The following NDUFS4 variants were observed in gnomAD, a reference collection of about 807,000 sequenced individuals.
NDUFS4 encodes the protein NADH dehydrogenase [ubiquinone] iron-sulfur protein 4, mitochondrial.
Under a neutral mutation model 24.3 loss-of-function variants are expected in NDUFS4, and 28 were observed. The observed-to-expected ratio is 1.15, with a 90% CI of 0.85 to 1.58. The LOEUF is 1.58. Among genes scored for constraint, NDUFS4 ranks in the 40% most tolerant of loss-of-function variants. NDUFS4 has a pLI of 0.00. For missense variants in NDUFS4, 223 were observed against 207.9 expected (o/e 1.07, Z -0.45); for synonymous variants, 93 against 69.7 (o/e 1.34, Z -1.67).
At chr5:53,662,629 C>A (rs1056240365) in intron 4 of NDUFS4, among the ~76,000 whole-genome samples, 1 of 151,862 alleles carries the variant, frequency 6.6e-6, no homozygotes, top group African/African-American at 2.4e-5. Flanking sequence ...TGGTCCTGGA[C>A]TTTTTTTGGT....
chr5:53,568,388 A>G (rs1749107941), intron 1 of NDUFS4, among the ~76,000 whole-genome samples: 1 of 152,196 alleles, frequency 6.6e-6, no homozygotes, highest in Admixed American at 6.5e-5. Context: ...CGGATTAAAA[A>G]AAAAGTTTCC....
At chr5:53,561,268 T>A (rs1395245804) in intron 1 of NDUFS4, among the ~76,000 whole-genome samples, 1 of 152,204 alleles carries the variant, frequency 6.6e-6, no homozygotes, top group Admixed American at 6.5e-5. Context: ...TTGTTTGGAA[T>A]TCAGTGTTAG....
At chr5:53,661,927 C>T (rs375961589) in intron 4 of NDUFS4, among the ~76,000 whole-genome samples, 8 of 150,352 alleles carry the variant, frequency 5.3e-5, no homozygotes, top group East Asian at 4.0e-4. Context: ...AGATATACAA[C>T]CATGTCATCT....
At chr5:53,624,085 T>G (rs1751144296) in intron 2 of NDUFS4, among the ~76,000 whole-genome samples, 1 of 152,226 alleles carries the variant, frequency 6.6e-6, no homozygotes, top group African/African-American at 2.4e-5. Flanking sequence ...TCTTTAGAAT[T>G]GGATATCCAG....
At chr5:53,590,285 A>C (rs1171721525) in intron 1 of NDUFS4, among the ~76,000 whole-genome samples, 1 of 152,186 alleles carries the variant, frequency 6.6e-6, no homozygotes, top group Non-Finnish European at 1.5e-5. Context: ...CATTTTCATA[A>C]GCATATTTAA....
chr5:53,574,168 T>G (rs1749312619), intron 1 of NDUFS4, among the ~76,000 whole-genome samples: 1 of 152,216 alleles, frequency 6.6e-6, no homozygotes, highest in Non-Finnish European at 1.5e-5. Flanking sequence ...TTACCAATCT[T>G]AAGGGAAAGC....
intron 4 of NDUFS4, among the ~76,000 whole-genome samples, chr5:53,665,871 C>T (rs904539339): frequency 2.6e-5 from 4 of 152,186 alleles, no homozygotes; most frequent in Admixed American, 6.5e-5. Flanking sequence ...GAGATGAACC[C>T]GGTACCTCAG....
chr5:53,566,128 G>A (rs532868793), intron 1 of NDUFS4, among the ~76,000 whole-genome samples: 1 of 152,094 alleles, frequency 6.6e-6, no homozygotes, highest in African/African-American at 2.4e-5. Flanking sequence ...AGCCGAGATC[G>A]CACCACTGCA....
chr5:53,608,640 A>G (rs547216330), intron 2 of NDUFS4, among the ~76,000 whole-genome samples: 2 of 152,358 alleles, frequency 1.3e-5, no homozygotes, highest in African/African-American at 4.8e-5. Flanking sequence ...GATTTGTTCC[A>G]GTTTAATCAT....
intron 2 of NDUFS4, among the ~76,000 whole-genome samples, chr5:53,620,812 C>A (rs1751011034): frequency 6.6e-6 from 1 of 152,160 alleles, no homozygotes; most frequent in Non-Finnish European, 1.5e-5. Context: ...CAGCAACATA[C>A]TCTATGATTT....
intron 4 of NDUFS4, among the ~76,000 whole-genome samples, chr5:53,671,453 T>C (rs1401090860): frequency 6.6e-6 from 1 of 152,126 alleles, no homozygotes; most frequent in Non-Finnish European, 1.5e-5. Flanking sequence ...AAAGAAAATA[T>C]AAATACCCCT....
intron 2 of NDUFS4, among the ~76,000 whole-genome samples, chr5:53,637,860 T>A (rs906070984): frequency 4.6e-5 from 7 of 152,286 alleles, no homozygotes; most frequent in Admixed American, 1.3e-4. Flanking sequence ...AGAGTACTTG[T>A]CAGTCTTTTT....
Position 53,646,510 on chromosome 5 carries a change from C to T in NDUFS4, c.350+105C>T, listed in dbSNP as rs1043457958. 24 of 1,230,422 alleles carry T rather than the reference C, an allele frequency of 2.0e-5. No homozygotes were observed. The African/African-American group carries it at 3.6e-4, about 19-fold the overall frequency. The allele number at this position is 1,230,422 out of a possible 1,614,324, so 76.2% of individuals were successfully genotyped here. A position where few individuals can be genotyped will look rare whatever the true frequency, so the allele number is the denominator to read the frequency against. ...TCTTTTATGTACAATATGCTTATGA[C>T]AGTACTTTTTGACGCTGTTAAGTAC... On this transcript the variant is annotated intron_variant, in intron 3 of 4. Transcript: ENST00000296684.
At chr5:53,625,228 T>C (rs1249701124) in intron 2 of NDUFS4, among the ~76,000 whole-genome samples, 5 of 152,072 alleles carry the variant, frequency 3.3e-5, no homozygotes, top group South Asian at 4.1e-4. Flanking sequence ...GATTACAGTT[T>C]TCTGTTTTCT....
At chr5:53,674,199 A>G (rs1422260667) in intron 4 of NDUFS4, among the ~76,000 whole-genome samples, 1 of 152,230 alleles carries the variant, frequency 6.6e-6, no homozygotes, top group African/African-American at 2.4e-5. Context: ...GTGTGTGGAA[A>G]TATGACTGGA....
chr5:53,654,170 A>G (rs1266580626), intron 3 of NDUFS4, among the ~76,000 whole-genome samples: 1 of 151,924 alleles, frequency 6.6e-6, no homozygotes, highest in East Asian at 1.9e-4. Flanking sequence ...TCTAATCTTG[A>G]TCTACCAATA....
intron 2 of NDUFS4, among the ~76,000 whole-genome samples, chr5:53,644,580 ATAATACT>A (rs1235001195): frequency 1.3e-5 from 2 of 152,140 alleles, no homozygotes; most frequent in East Asian, 3.8e-4. Flanking sequence ...ATTAAATATA[ATAATACT>A]TAAACTTTTT....
At chr5:53,573,344 T>A (rs1012839877) in intron 1 of NDUFS4, among the ~76,000 whole-genome samples, 1 of 152,172 alleles carries the variant, frequency 6.6e-6, no homozygotes, top group African/African-American at 2.4e-5. Flanking sequence ...CTTTTATAAC[T>A]ATGAAATCCT....
At chr5:53,658,511 G>C (rs756310355) in intron 3 of NDUFS4, 40 bp from the exon 4 acceptor site, 1 of 1,399,968 alleles carries the variant, frequency 7.1e-7, no homozygotes, top group Non-Finnish European at 1.0e-6. Context: ...CTCAGCTAAA[G>C]CTTAATGTTA....
Sources: allele counts gnomAD v4.1 joint callset (sites outside exome capture counted in the v4.1 genomes callset), GRCh38; gene constraint gnomAD v4.1.1; transcripts MANE v1.5; gene names NCBI Gene and HGNC (gene_info 2026-07-23, HGNC 2026-07-21).